SMC2: variants seen among roughly 807,000 people sequenced by gnomAD.
SMC2 encodes structural maintenance of chromosomes protein 2.
In SMC2, 41 loss-of-function variants were observed where a neutral mutation model predicts 142.6. The ratio of observed to expected loss-of-function variants is 0.29; its 90% CI spans 0.22 to 0.37. The LOEUF (loss-of-function observed/expected upper bound fraction) is 0.37, where lower values mean the gene tolerates loss of function less well. Ranked by LOEUF, SMC2 falls within the 10% of genes least tolerant of loss-of-function variation. SMC2 has a pLI of 1.00. For missense variants in SMC2, 1,265 were observed against 1,373.7 expected (o/e 0.92, Z 1.25); for synonymous variants, 463 against 457.5 (o/e 1.01, Z -0.15).
intron 22 of SMC2, 137 bp downstream of exon 22, chr9:104,132,262 G>T (rs1256997520): frequency 5.3e-6 from 3 of 564,920 alleles, no homozygotes; most frequent in South Asian, 4.8e-5. Context: ...TAAAACCTCT[G>T]ACTTTTAAAT....
At position 104,139,142 on chromosome 9, in the gene SMC2, A is replaced by C. The variant is rs564888728; in HGVS notation, c.3421A>C (p.Ile1141Leu). ...LRTHFTHSQF[I>L]VVSLKEGMFN... is the part of the protein sequence containing the mutation. The stretch of plus-strand genomic sequence containing the variant: ...ACTTTTTTCTTTTTTCCTTAAGTTC[A>C]TTGTGGTGTCACTAAAAGAAGGTAT... The change falls in exon 25 of 25, where the codon ATT (isoleucine) becomes CTT (leucine). Residue 1141 changes from isoleucine (I) to leucine (L), a missense_variant. Transcript: ENST00000374793. 6.4e-7 allele frequency: 1 copy of C among 1,554,002 alleles called. No individual in the cohort carries two copies. Among genetic ancestry groups the C allele is most frequent in the Admixed American group, 2.3e-5 (1 of 43,466 alleles).
intron 9 of SMC2, among the ~76,000 whole-genome samples, chr9:104,109,517 G>A (rs1045624817): frequency 1.3e-5 from 2 of 152,178 alleles, no homozygotes; most frequent in Non-Finnish European, 2.9e-5. Context: ...TCTATAGTCT[G>A]TTCTTTACAG....
chr9:104,135,576 G>C, intron 23 of SMC2, among the ~76,000 whole-genome samples: 1 of 152,104 alleles, frequency 6.6e-6, no homozygotes, highest in East Asian at 1.9e-4. Context: ...CCACAGACTT[G>C]AGTTCTATCA....
intron 22 of SMC2, 59 bp from the exon 23 acceptor site, chr9:104,134,356 C>A (rs1588004473): frequency 7.4e-7 from 1 of 1,344,124 alleles, no homozygotes; most frequent in Non-Finnish European, 1.0e-6. Flanking sequence ...CATATATCAA[C>A]AATTGATTCT....
In SMC2 at chr9:104,141,368, C is replaced by G. The variant is rs1465178617; in HGVS notation, c.*2053C>G. The G allele has an allele frequency of 1.3e-5, 2 of 152,122 alleles. No homozygotes were observed. Among genetic ancestry groups the G allele is most frequent in the East Asian group, 1.9e-4 (1 of 5,198 alleles). 9.4% of individuals were successfully genotyped at this position (152,122 alleles called of 1,614,324 possible). A position where few individuals can be genotyped will look rare whatever the true frequency, so the allele number is the denominator to read the frequency against. ...CCAGAACCTAAGATATACTACGTCA[C>G]TGACAGCTTGAACATTTGTATTTAT... On this transcript the variant is annotated 3_prime_UTR_variant, in exon 25 of 25. Coordinates refer to ENST00000374793, the MANE Select transcript of SMC2 (RefSeq NM_006444.3).
intron 7 of SMC2, among the ~76,000 whole-genome samples, chr9:104,101,348 A>G (rs1831097595): frequency 6.6e-6 from 1 of 152,178 alleles, no homozygotes; most frequent in African/African-American, 2.4e-5. Context: ...TTTACTGGAA[A>G]AATTGTAATC....
intron 13 of SMC2, among the ~76,000 whole-genome samples, chr9:104,115,062 G>A (rs1832930769): frequency 6.6e-6 from 1 of 151,948 alleles, no homozygotes; most frequent in South Asian, 2.1e-4. Flanking sequence ...TCTCTTTGCT[G>A]TATAAGTTGA....
intron 16 of SMC2, among the ~76,000 whole-genome samples, chr9:104,122,081 A>T (rs1024669573): frequency 3.3e-5 from 5 of 152,176 alleles, no homozygotes; most frequent in African/African-American, 1.2e-4. Flanking sequence ...GAGTAAATGA[A>T]TTTTTTTCTG....
chr9:104,110,573 T>G (rs1832319852), intron 9 of SMC2, among the ~76,000 whole-genome samples: 1 of 98,882 alleles, frequency 1.0e-5, no homozygotes, highest in East Asian at 2.1e-4. Context: ...GGGTCTGTAC[T>G]CCAACTCCCA....
At chr9:104,131,283 TAAGAC>T (rs1157740263) in intron 21 of SMC2, among the ~76,000 whole-genome samples, 2 of 152,102 alleles carry the variant, frequency 1.3e-5, no homozygotes, top group African/African-American at 4.8e-5. Context: ...GCAGGGGCCA[TAAGAC>T]AATAGTGAGT....
Position 104,095,548 on chromosome 9 carries a change from C to T in SMC2, c.164C>T (p.Ser55Phe), listed in dbSNP as rs181793444. Reference protein sequence around the residue: ...ICFLLGISNLSQVRASNLQDL... With the variant: ...ICFLLGISNLFQVRASNLQDL... The stretch of plus-strand genomic sequence containing the variant: ...TTTTTGCTGGGCATCTCCAACCTGT[C>T]TCAGGTAAAGTGTAAACTTTCTGAT... Residue 55 changes from serine (S) to phenylalanine (F), a missense_variant, in exon 2 of 25, where the codon TCT (serine) becomes TTT (phenylalanine). By Grantham distance (155) the Ser-to-Phe change is radical. Transcript: ENST00000374793. The T allele has an allele frequency of 6.2e-7, 1 of 1,612,586 alleles. No individual in the cohort carries two copies.
the SMC2 span, among the ~76,000 whole-genome samples, chr9:104,088,617 G>A: frequency 1.4e-5 from 2 of 147,892 alleles, no homozygotes; most frequent in South Asian, 4.4e-4. Flanking sequence ...CGAAAAGATG[G>A]TGCATAAAAT....
intron 7 of SMC2, 52 bp downstream of exon 7, chr9:104,100,485 C>A: frequency 1.7e-6 from 2 of 1,157,902 alleles, no homozygotes; most frequent in Admixed American, 2.2e-5. Flanking sequence ...TCAAAGTCAG[C>A]AATGTATCCA....
rs1490519325 is a variant in SMC2, at chr9:104,124,953, A to G, written c.2299A>G (p.Arg767Gly). ...ETLKNTKEIQ[R>G]KAEEKYEVLE... Reference sequence around the variant, plus strand: ...TTTGAAAAACACTAAAGAAATCCAAAGAAAAGCAGAAGAAAAATATGAAGT... The same window carrying G: ...TTTGAAAAACACTAAAGAAATCCAAGGAAAAGCAGAAGAAAAATATGAAGT... The change falls in exon 18 of 25, where the codon AGA becomes GGA. Residue 767 changes from arginine (R) to glycine (G), a missense_variant. Transcript: ENST00000374793. 1 of 1,596,846 alleles carries G rather than the reference A, an allele frequency of 6.3e-7. No homozygotes were observed. Among genetic ancestry groups the G allele is most frequent in the Admixed American group, 1.8e-5 (1 of 54,508 alleles).
intron 16 of SMC2, among the ~76,000 whole-genome samples, 172 bp downstream of exon 16, chr9:104,120,334 CATAAG>C (rs1336025779): frequency 1.3e-5 from 2 of 151,794 alleles, no homozygotes; most frequent in East Asian, 1.9e-4. Flanking sequence ...ATTTTTTTCT[CATAAG>C]AGAGATGTCT....
intron 15 of SMC2, among the ~76,000 whole-genome samples, chr9:104,119,349 T>G (rs971692636): frequency 6.6e-6 from 1 of 152,194 alleles, no homozygotes; most frequent in Non-Finnish European, 1.5e-5. Context: ...TTAAAAGCAT[T>G]TTTAATTGAC....
At chr9:104,124,542 C>G (rs566905200) in intron 17 of SMC2, among the ~76,000 whole-genome samples, 1 of 151,656 alleles carries the variant, frequency 6.6e-6, no homozygotes, top group South Asian at 2.1e-4. Context: ...TACACACTTT[C>G]TAGCAACTAT....
rs1245822517 is a variant in SMC2 at position 104,099,557 on chromosome 9, G to C, written c.442-87G>C. The C allele has an allele frequency of 3.6e-6, 3 of 832,880 alleles. No homozygotes were observed. In the African/African-American group the frequency reaches 5.1e-5, roughly 14 times the overall value. The allele number at this position is 832,880 out of a possible 1,614,324, so 51.6% of individuals were successfully genotyped here. A position where few individuals can be genotyped will look rare whatever the true frequency, so the allele number is the denominator to read the frequency against. On this transcript the variant is annotated intron_variant, in intron 4 of 24. Transcript: ENST00000374793. ...AAGATTGGTATATTGAGATACAACA[G>C]CTTCAGTCTAGATAAACATGAATGG...
At chr9:104,121,078 A>C (rs1476814282) in intron 16 of SMC2, among the ~76,000 whole-genome samples, 1 of 150,910 alleles carries the variant, frequency 6.6e-6, no homozygotes, top group East Asian at 1.9e-4. Flanking sequence ...TTGAGTAAAC[A>C]CACGAAAGAG....
Sources: allele counts gnomAD v4.1 joint callset (sites outside exome capture counted in the v4.1 genomes callset), GRCh38; gene constraint gnomAD v4.1.1; transcripts MANE v1.5; gene names NCBI Gene and HGNC (gene_info 2026-07-23, HGNC 2026-07-21).